Variants in GSE1 observed in about 807,000 individuals in gnomAD.
The protein encoded by GSE1 is Gse1 coiled-coil protein, also known as genetic suppressor element 1.
In GSE1, 32 loss-of-function variants were observed where a neutral mutation model predicts 112.6. The ratio of observed to expected loss-of-function variants is 0.28; its 90% confidence interval spans 0.21 to 0.38. The LOEUF is 0.38. GSE1 is among the 10% of genes least tolerant of loss of function. The probability of loss-of-function intolerance (pLI) is 1.00; values close to 1 mark genes in which losing one functional copy is unlikely to be tolerated. For missense variants in GSE1, 2,348 were observed against 1,699.2 expected, an observed-to-expected ratio of 1.38 and a Z score of -6.71; for synonymous variants, 1,115 against 735.6, an observed-to-expected ratio of 1.52 and a Z score of -8.35.
At chr16:85,358,051 G>T (rs1271604535) in intron 2 of GSE1, among the ~76,000 whole-genome samples, 1 of 151,838 alleles carries the variant, frequency 6.6e-6, no homozygotes, top group African/African-American at 2.4e-5. Flanking sequence ...CGCTTCTCTT[G>T]GGCTGGGCCA....
At chr16:85,470,647 G>A (rs1001456108) in intron 2 of GSE1, among the ~76,000 whole-genome samples, 5 of 152,208 alleles carry the variant, frequency 3.3e-5, no homozygotes, top group Non-Finnish European at 7.3e-5. Flanking sequence ...TGGGTGCCCC[G>A]GGAAGGGCTG....
rs2152034641 is a variant in GSE1, at chr16:85,673,011, A to AT, written c.*472_*473insT. ...CCAGGAGTGAAACTTGCTTCAGCTG[A>AT]AAAGGTTGGGTGCATTGTCAGTAAA... On this transcript the variant is annotated 3_prime_UTR_variant, in exon 16 of 16. Transcript: ENST00000253458. 6.6e-6 allele frequency: 1 copy of AT among 152,518 alleles called. No individual in the cohort carries two copies. Among genetic ancestry groups the AT allele is most frequent in the South Asian group, 2.1e-4 (1 of 4,830 alleles). 9.4% of individuals were successfully genotyped at this position (152,518 alleles called of 1,614,324 possible).
intron 2 of GSE1, among the ~76,000 whole-genome samples, chr16:85,486,683 C>T (rs371028536): frequency 3.9e-5 from 6 of 152,126 alleles, no homozygotes; most frequent in East Asian, 1.9e-4. Context: ...AGCGCCGTCC[C>T]GCCCTCTCTC....
chr16:85,350,125 G>A (rs2046824400), intron 1 of GSE1, among the ~76,000 whole-genome samples: 1 of 152,210 alleles, frequency 6.6e-6, no homozygotes, highest in Admixed American at 6.5e-5. Context: ...GATGGCAGGT[G>A]CTCAGCTGGC....
rs537330535 is a variant in GSE1, at chr16:85,355,019, G to C, written c.2284-2444G>C. Among the ~76,000 whole-genome samples, 7 of 152,342 alleles carry C rather than the reference G, an allele frequency of 4.6e-5. No homozygotes were observed. In the South Asian group the frequency reaches 1.4e-3, roughly 32 times the overall value. ...CCGCCGCCTCCTGGCTCCAGCCTAAGCCGCCGGCATGCCTGTGGGATTTGT... is the reference window on the plus strand; with the variant it reads ...CCGCCGCCTCCTGGCTCCAGCCTAACCCGCCGGCATGCCTGTGGGATTTGT... On this transcript the variant is annotated intron_variant, in intron 1 of 2. Transcript: ENST00000637419.
At chr16:85,380,041 A>G (rs1015598324) in intron 2 of GSE1, among the ~76,000 whole-genome samples, 1 of 152,236 alleles carries the variant, frequency 6.6e-6, no homozygotes, top group African/African-American at 2.4e-5. Context: ...GGCCTTGGGA[A>G]GCCCAAGCAT....
intron 2 of GSE1, among the ~76,000 whole-genome samples, chr16:85,533,591 T>G (rs1209072364): frequency 6.6e-6 from 1 of 152,116 alleles, no homozygotes; most frequent in Non-Finnish European, 1.5e-5. Context: ...TGGCCAGGCA[T>G]GGTGGCTCAT....
At chr16:85,666,413 G>A (rs1014150292) in intron 13 of GSE1, 66 bp downstream of exon 13, 7 of 1,524,634 alleles carry the variant, frequency 4.6e-6, no homozygotes, top group South Asian at 2.3e-5. Flanking sequence ...GTTGCTGAGC[G>A]CCACAGCTGC....
chr16:85,422,871 C>CGTCA (rs1232648986), intron 2 of GSE1, among the ~76,000 whole-genome samples: 8 of 152,152 alleles, frequency 5.3e-5, no homozygotes, highest in Admixed American at 1.3e-4. Context: ...CCAGGCCTGA[C>CGTCA]GCTCGGGGCT....
chr16:85,355,350 G>A (rs528191089), intron 1 of GSE1, among the ~76,000 whole-genome samples: 3 of 152,304 alleles, frequency 2.0e-5, no homozygotes, highest in Admixed American at 6.5e-5. Context: ...AGCACAGTTC[G>A]TTGTTCAAGC....
rs770879460 is a variant in GSE1, at chr16:85,661,500, G to T, written c.1995G>T (p.Gln665His). 9.9e-6 allele frequency: 16 copies of T among 1,611,772 alleles called. No homozygotes were observed. Among genetic ancestry groups the T allele is most frequent in the African/African-American group, 1.3e-5 (1 of 74,878 alleles). ...PPREGGSLEH[Q>H]PFLPGPGPFL... ...GAGAGGGAGGGAGCCTGGAGCACCA[G>T]CCCTTCCTGCCCGGGCCCGGGCCCT... Residue 665 changes from glutamine (Q) to histidine (H), a missense_variant, in exon 9 of 16, where the codon CAG (glutamine) becomes CAT (histidine). Coordinates refer to ENST00000253458, the MANE Select transcript of GSE1 (RefSeq NM_014615.5).
intron 1 of GSE1, among the ~76,000 whole-genome samples, chr16:85,214,714 C>A (rs756542966): frequency 2.1e-4 from 32 of 152,212 alleles, no homozygotes; most frequent in Non-Finnish European, 3.1e-4. Context: ...CTCTCACAGA[C>A]CGCGTGGGGT....
intron 2 of GSE1, among the ~76,000 whole-genome samples, chr16:85,456,013 T>C (rs1249549463): frequency 1.3e-5 from 2 of 152,216 alleles, no homozygotes; most frequent in Non-Finnish European, 2.9e-5. Flanking sequence ...GTTAATGACT[T>C]GCCCCAGGAT....
intron 2 of GSE1, among the ~76,000 whole-genome samples, chr16:85,548,243 AAAAGAAAG>A (rs796819003): frequency 1.1e-3 from 151 of 132,192 alleles, no homozygotes; most frequent in Non-Finnish European, 1.5e-3. Flanking sequence ...AAAAAAAAAA[AAAAGAAAG>A]AAAGAAAGAA....
At chr16:85,338,717 G>A (rs2046558142) in intron 1 of GSE1, among the ~76,000 whole-genome samples, 1 of 152,184 alleles carries the variant, frequency 6.6e-6, no homozygotes, top group African/African-American at 2.4e-5. Context: ...CCCCTGTGAG[G>A]TAGCTAGTAG....
intron 2 of GSE1, among the ~76,000 whole-genome samples, chr16:85,640,837 C>T (rs1200880594): frequency 6.6e-6 from 1 of 152,360 alleles, no homozygotes; most frequent in Non-Finnish European, 1.5e-5. Context: ...TGGAGCCCGT[C>T]TGTCTCCCGC....
chr16:85,555,617 A>G, upstream of GSE1: 1 of 920,242 alleles, frequency 1.1e-6, no homozygotes, highest in Non-Finnish European at 1.2e-6. Context: ...CCCAGTAGCT[A>G]AGGGGAAACA....
At chr16:85,372,128 C>G (rs72811743) in intron 2 of GSE1, among the ~76,000 whole-genome samples, 14,564 of 152,202 alleles carry the variant, frequency 0.096, 817 homozygotes, top group African/African-American at 0.14. Context: ...GGTTTCACAG[C>G]TAGCGCGGGA....
Position 85,259,035 on chromosome 16 carries a change from C to G in GSE1, c.2283+87228C>G, listed in dbSNP as rs540772126. Among the ~76,000 whole-genome samples, 3 of 152,302 alleles carry G rather than the reference C, an allele frequency of 2.0e-5. No individual in the cohort carries two copies. The East Asian group carries it at 5.8e-4, about 29-fold the overall frequency. On this transcript the variant is annotated intron_variant, in intron 1 of 2. Coordinates refer to the GSE1 transcript ENST00000637419. ...GCTGCCAGGCTGGGGAGAAGTTCCC[C>G]AGAGGCCCCTCTTGGTCCTGGAGAG...
Sources: allele counts gnomAD v4.1 joint callset (sites outside exome capture counted in the v4.1 genomes callset), GRCh38; gene constraint gnomAD v4.1.1; transcripts MANE v1.5; gene names NCBI Gene and HGNC (gene_info 2026-07-23, HGNC 2026-07-21).